ABCA4: variants seen among roughly 807,000 people sequenced by gnomAD.
The protein encoded by ABCA4 is ATP binding cassette subfamily A member 4.
ABCA4 carries 196 observed loss-of-function variants against 263.7 expected under a neutral mutation model. That is an observed-to-expected ratio of 0.74 (90% CI 0.66 to 0.84). The LOEUF is 0.84. ABCA4 is among the 40% of genes least tolerant of loss of function. The probability of loss-of-function intolerance (pLI) is 0.00; values close to 1 mark genes in which losing one functional copy is unlikely to be tolerated. For synonymous variants in ABCA4, 1,133 were observed against 1,094.2 expected (o/e 1.04, Z -0.70); for missense variants, 2,792 against 2,855.1 (o/e 0.98, Z 0.50).
chr1:94,109,626 G>A (rs1228719948), intron 3 of ABCA4, among the ~76,000 whole-genome samples: 1 of 152,220 alleles, frequency 6.6e-6, no homozygotes, highest in Non-Finnish European at 1.5e-5. Flanking sequence ...GGTCCATGGA[G>A]AGAGGTGAAT....
chr1:94,038,099 A>C (rs543438003), intron 24 of ABCA4, among the ~76,000 whole-genome samples: 25 of 151,324 alleles, frequency 1.7e-4, no homozygotes, highest in Non-Finnish European at 2.9e-4. Flanking sequence ...CTGCCTCCAC[A>C]AACAAAACTG....
rs1250353901 is a variant in ABCA4, at chr1:94,001,975, A to G, written c.6165T>C (p.Ile2055=). 1.2e-6 allele frequency: 2 copies of G among 1,614,080 alleles called. No individual in the cohort carries two copies. Among genetic ancestry groups the G allele is most frequent in the Admixed American group, 1.7e-5 (1 of 60,016 alleles). Residue 2055 remains isoleucine (I), a synonymous_variant, in exon 45 of 50, where the codon ATT becomes ATC. Transcript: ENST00000370225. The part of the protein sequence containing the change: ...EEIEKVANWS[I]KSLGLTVYAD... ...CGTAGACAGTCAGGCCCAGGCTCTT[A>G]ATACTCCAGTTTGCAACCTAGGGAA...
chr1:94,052,396 T>A (rs996509932), intron 16 of ABCA4, among the ~76,000 whole-genome samples: 1 of 152,230 alleles, frequency 6.6e-6, no homozygotes, highest in African/African-American at 2.4e-5. Context: ...CGGCTTTTTT[T>A]AAGAGTTGCC....
In ABCA4 at chr1:94,015,723, G is replaced by A. The variant is rs374694267; in HGVS notation, c.5312+16C>T. The A allele has an allele frequency of 2.0e-6, 3 of 1,519,050 alleles. No individual in the cohort carries two copies. Among genetic ancestry groups the A allele is most frequent in the Non-Finnish European group, 2.7e-6 (3 of 1,094,274 alleles). The allele number at this position is 1,519,050 out of a possible 1,614,324, so 94.1% of individuals were successfully genotyped here. A position where few individuals can be genotyped will look rare whatever the true frequency, so the allele number is the denominator to read the frequency against. Reference sequence around the variant, plus strand: ...CTTCTCTTCAGAGGCATTAGCTAATGGCCCAAACGGCTTACCCATACAGCA... The same window carrying A: ...CTTCTCTTCAGAGGCATTAGCTAATAGCCCAAACGGCTTACCCATACAGCA... On this transcript the variant is annotated intron_variant, in intron 37 of 49. Coordinates refer to ENST00000370225, the MANE Select transcript of ABCA4 (RefSeq NM_000350.3).
At position 94,080,500 on chromosome 1, in the gene ABCA4, G is replaced by T. The variant is rs1484353474; in HGVS notation, c.1077C>A (p.Ile359=). ...LGIDSTRKDP[I]YSYDRRTTSF... ...TACTTGTTCTTCTGTCATAAGAATA[G>T]ATAGGATCCTTCCTTGTGGAGTCAA... The change falls in exon 8 of 50, where the codon ATC becomes ATA. Residue 359 remains isoleucine (I), a synonymous_variant. Transcript: ENST00000370225. 3 of 1,614,060 alleles carry T rather than the reference G, an allele frequency of 1.9e-6. No individual in the cohort carries two copies. The African/African-American group carries it at 4.0e-5, about 22-fold the overall frequency.
chr1:94,074,736 G>A (rs944292258), intron 11 of ABCA4, among the ~76,000 whole-genome samples: 3 of 152,238 alleles, frequency 2.0e-5, no homozygotes, highest in African/African-American at 7.2e-5. Context: ...TGGTGGGAAT[G>A]TAAATTAGTT....
chr1:94,084,146 G>A (rs1303398675), intron 6 of ABCA4, among the ~76,000 whole-genome samples: 1 of 152,152 alleles, frequency 6.6e-6, no homozygotes, highest in Non-Finnish European at 1.5e-5. Flanking sequence ...GTGAACATCT[G>A]GTTTTCTGGA....
chr1:94,113,914 C>T (rs2101169071), intron 1 of ABCA4, among the ~76,000 whole-genome samples: 1 of 152,296 alleles, frequency 6.6e-6, no homozygotes, highest in African/African-American at 2.4e-5. Context: ...CACCCTGTGG[C>T]ATTGCACATA....
chr1:94,077,632 T>C (rs1661570283), intron 11 of ABCA4, 58 bp downstream of exon 11: 10 of 1,499,088 alleles, frequency 6.7e-6, no homozygotes, highest in Non-Finnish European at 9.0e-6. Context: ...AAGGGAGCTC[T>C]GGCCCCACTC....
rs1373747593 is a variant in ABCA4, at chr1:94,031,091, C to T, written c.4158G>A (p.Leu1386=). The part of the protein sequence containing the change: ...QIVLPATFVF[L]ALMLSIVIPP... ...GGATAACAATAGAAAGCATCAGAGC[C>T]AAAAACACAAAGGTAGCCGGGAGCA... Residue 1386 remains leucine (L), a synonymous_variant, in exon 28 of 50, where the codon TTG becomes TTA. Coordinates refer to ENST00000370225, the MANE Select transcript of ABCA4 (RefSeq NM_000350.3). 1.2e-6 allele frequency: 2 copies of T among 1,613,928 alleles called. No homozygotes were observed. Among genetic ancestry groups the T allele is most frequent in the East Asian group, 4.5e-5 (2 of 44,894 alleles).
rs1661093718 is a variant in ABCA4 at position 94,060,552 on chromosome 1, C to G, written c.2145G>C (p.Leu715=). The part of the protein sequence containing the change: ...FSIMSMSIFL[L]TIFIMHGRIL... ...TTTGGCTTACCATGATGAATATCGT[C>G]AGGAGGAAGATGCTCATCGACATGA... Residue 715 remains leucine, a synonymous_variant, in exon 14 of 50, where the codon CTG becomes CTC. Coordinates refer to ENST00000370225, the MANE Select transcript of ABCA4 (RefSeq NM_000350.3). 2.5e-6 allele frequency: 4 copies of G among 1,613,888 alleles called. No individual in the cohort carries two copies. In the African/African-American group the frequency reaches 4.0e-5, roughly 16 times the overall value.
Position 94,031,045 on chromosome 1 carries a change from C to A in ABCA4, c.4204G>T (p.Ala1402Ser), listed in dbSNP as rs554101094. The A allele has an allele frequency of 3.7e-6, 6 of 1,614,024 alleles. No individual in the cohort carries two copies. In the East Asian group the frequency reaches 8.9e-5, roughly 24 times the overall value. ...TATATCCAGGGGTGAAGGGTCAAAG[C>A]GGGGTATTCGCCAAAAGGAGGGATA... The part of the protein sequence containing the change: ...IVIPPFGEYP[A>S]LTLHPWIYGQ... Residue 1402 changes from alanine (A) to serine (S), a missense_variant, in exon 28 of 50, where the codon GCT becomes TCT. Ala to Ser is a moderately conservative substitution (Grantham distance 99). Transcript: ENST00000370225.
chr1:94,056,622 G>A lies in ABCA4; in HGVS notation c.2361C>T (p.Thr787=), dbSNP rs777636827. The A allele has an allele frequency of 6.2e-6, 10 of 1,613,286 alleles. No homozygotes were observed. The highest frequency in any genetic ancestry group is 2.7e-5 in the African/African-American group (2 of 75,028). The change falls in exon 15 of 50, where the codon ACC becomes ACT. Residue 787 remains threonine, a synonymous_variant. Transcript: ENST00000370225. ...TCACCACAGCCTTCTTCAGCTCAGC[G>A]GTCATGCGGTCCTGCCAGGCGAAGC... ...ILCFAWQDRM[T]AELKKAVSLL...
rs186064651 is a variant in ABCA4 at position 94,103,671 on chromosome 1, G to A, written c.443-529C>T. Among the ~76,000 whole-genome samples the A allele has an allele frequency of 6.1e-3, 933 of 152,262 alleles. 2 individuals are homozygous for A. The highest frequency in any genetic ancestry group is 0.014 in the Middle Eastern group (4 of 294). On this transcript the variant is annotated intron_variant, in intron 4 of 49. Transcript: ENST00000370225. ...TCTGGTCTAGGATTGGAGGAGACAC[G>A]TGCTCTTCCCACACCGCAGCTGTCA...
chr1:94,098,048 C>T (rs572181966), intron 6 of ABCA4, among the ~76,000 whole-genome samples: 87 of 152,318 alleles, frequency 5.7e-4, no homozygotes, highest in African/African-American at 1.8e-3. Context: ...TGAGCCACTG[C>T]GCCCGGCCCT....
At chr1:94,037,690 G>A (rs1357143901) in intron 24 of ABCA4, among the ~76,000 whole-genome samples, 1 of 152,174 alleles carries the variant, frequency 6.6e-6, no homozygotes, top group African/African-American at 2.4e-5. Context: ...ACTATGTTAT[G>A]TTGGGTGGGT....
chr1:94,095,989 C>T (rs1174336103), intron 6 of ABCA4, among the ~76,000 whole-genome samples: 1 of 152,096 alleles, frequency 6.6e-6, no homozygotes, highest in Non-Finnish European at 1.5e-5. Flanking sequence ...GGCTCTGTCG[C>T]TCACCAGCTT....
At chr1:94,082,335 C>T (rs1030795028) in intron 7 of ABCA4, among the ~76,000 whole-genome samples, 2 of 152,210 alleles carry the variant, frequency 1.3e-5, no homozygotes, top group Non-Finnish European at 2.9e-5. Flanking sequence ...GACTTGCTAT[C>T]TAGACAGTCA....
chr1:94,020,640 C>CA (rs1422185309), intron 35 of ABCA4, among the ~76,000 whole-genome samples: 1 of 152,216 alleles, frequency 6.6e-6, no homozygotes, highest in African/African-American at 2.4e-5. Flanking sequence ...CACTGGCACT[C>CA]AGCGTGTGCT....
Sources: gnomAD v4.1 joint callset for allele counts (sites outside exome capture counted in the v4.1 genomes callset) on GRCh38, gnomAD v4.1.1 for gene constraint, MANE v1.5 for transcripts, NCBI Gene and HGNC (gene_info 2026-07-23, HGNC 2026-07-21) for gene names.